The following TAF4B variants were observed in gnomAD, a reference collection of about 807,000 sequenced individuals.
TAF4B encodes TATA-box binding protein associated factor 4b, also known as transcription initiation factor TFIID subunit 4B.
Under a neutral mutation model 86.4 loss-of-function variants are expected in TAF4B, and 38 were observed. That is an observed-to-expected ratio of 0.44 (90% CI 0.34 to 0.58). The LOEUF is 0.58. Among genes scored for constraint, TAF4B ranks in the 20% least tolerant of loss-of-function variants. The pLI, the probability that TAF4B is intolerant of heterozygous loss-of-function variation, is 0.02. For missense variants in TAF4B, 988 were observed against 1,027.6 expected (o/e 0.96, Z 0.53); for synonymous variants, 388 against 391.2 (o/e 0.99, Z 0.10).
At chr18:26,354,013 G>A (rs995331543) in intron 13 of TAF4B, among the ~76,000 whole-genome samples, 2 of 152,110 alleles carry the variant, frequency 1.3e-5, no homozygotes, top group African/African-American at 4.8e-5. Flanking sequence ...AAGGTGTGAG[G>A]TTTGGATCCA....
At chr18:26,386,802 G>A (rs1264173793) in intron 14 of TAF4B, among the ~76,000 whole-genome samples, 1 of 152,010 alleles carries the variant, frequency 6.6e-6, no homozygotes, top group Admixed American at 6.6e-5. Context: ...CACTCGGATT[G>A]TTTCTAGCTT....
chr18:26,304,965 G>A (rs1474022035), intron 9 of TAF4B: 1 of 775,514 alleles, frequency 1.3e-6, no homozygotes, highest in Non-Finnish European at 1.6e-6. Flanking sequence ...ATGCTGGACA[G>A]TAGTAATTCT....
At chr18:26,246,280 G>A (rs540571050) in intron 1 of TAF4B, among the ~76,000 whole-genome samples, 101 of 152,264 alleles carry the variant, frequency 6.6e-4, no homozygotes, top group Non-Finnish European at 1.0e-3. Flanking sequence ...CTATGTCTAA[G>A]AAGGCTCTTG....
chr18:26,339,197 TTATATTTTC>T (rs1358396212), intron 13 of TAF4B, among the ~76,000 whole-genome samples: 3 of 152,362 alleles, frequency 2.0e-5, no homozygotes, highest in African/African-American at 7.2e-5. Context: ...TATTATAACT[TTATATTTTC>T]TATACTAGCC....
chr18:26,308,396 T>C (rs1290776539), intron 9 of TAF4B, among the ~76,000 whole-genome samples: 2 of 152,192 alleles, frequency 1.3e-5, no homozygotes, highest in Admixed American at 6.5e-5. Flanking sequence ...CTGTGTACTT[T>C]AGTGCAGAAT....
rs143409915 is a variant in TAF4B at position 26,319,923 on chromosome 18, T to G, written c.2003-1147T>G. On this transcript the variant is annotated intron_variant, in intron 10 of 14. Transcript: ENST00000269142. The stretch of plus-strand genomic sequence containing the variant: ...GGGTTTTATTAAAGTAGAGTTGACT[T>G]TGTAGAATTTTTTTCCCTGCCTGAA... Among the ~76,000 whole-genome samples, 423 of 152,270 alleles carry G rather than the reference T, an allele frequency of 2.8e-3. 5 individuals carry two copies. The highest frequency in any genetic ancestry group is 0.019 in the East Asian group (99 of 5,186).
chr18:26,374,298 T>G (rs569356916), intron 14 of TAF4B, among the ~76,000 whole-genome samples: 1 of 152,206 alleles, frequency 6.6e-6, no homozygotes, highest in Non-Finnish European at 1.5e-5. Context: ...TTAAGATAAT[T>G]TCTATGAGCT....
At chr18:26,237,483 C>T (rs746194944) in intron 1 of TAF4B, among the ~76,000 whole-genome samples, 9 of 152,148 alleles carry the variant, frequency 5.9e-5, no homozygotes, top group Non-Finnish European at 1.2e-4. Flanking sequence ...AACCGATAGC[C>T]TGGGGTTTTT....
intron 14 of TAF4B, among the ~76,000 whole-genome samples, chr18:26,370,939 G>A (rs1341745228): frequency 6.6e-6 from 1 of 152,126 alleles, no homozygotes; most frequent in Non-Finnish European, 1.5e-5. Context: ...AAAGGCTTGG[G>A]GAAATTGGGA....
intron 11 of TAF4B, among the ~76,000 whole-genome samples, chr18:26,322,780 A>G (rs1408018621): frequency 1.3e-5 from 2 of 151,776 alleles, no homozygotes; most frequent in African/African-American, 4.8e-5. Context: ...TCTAAGCTTC[A>G]GGCTTAGTTT....
chr18:26,342,513 C>A (rs1275708846), intron 13 of TAF4B, among the ~76,000 whole-genome samples: 1 of 152,152 alleles, frequency 6.6e-6, no homozygotes. Flanking sequence ...AAATTATGTG[C>A]TTAGCATCAA....
intron 3 of TAF4B, 151 bp downstream of exon 3, chr18:26,267,774 T>C (rs769659845): frequency 3.5e-5 from 21 of 599,502 alleles, no homozygotes; most frequent in Non-Finnish European, 4.8e-5. Context: ...TGGGAACTGT[T>C]GGAGGTATGG....
At chr18:26,230,688 T>C (rs74873680) in intron 1 of TAF4B, among the ~76,000 whole-genome samples, 386 of 152,328 alleles carry the variant, frequency 2.5e-3, no homozygotes, top group African/African-American at 9.0e-3. Context: ...GCTTTCACTC[T>C]CATAGTACTC....
chr18:26,227,438 T>A (rs1247067181), intron 1 of TAF4B, among the ~76,000 whole-genome samples, 162 bp downstream of exon 1: 2 of 152,230 alleles, frequency 1.3e-5, no homozygotes, highest in Non-Finnish European at 2.9e-5. Context: ...TACATAGTTT[T>A]TCTTTTCATA....
Position 26,292,233 on chromosome 18 carries a change from C to G in TAF4B, c.1591-13C>G. ...AAGTTGAACAACTATATTGATAGTTCTCATTGTTTCAGGTAGTTCAGCAGC... is the reference window on the plus strand; with the variant it reads ...AAGTTGAACAACTATATTGATAGTTGTCATTGTTTCAGGTAGTTCAGCAGC... On this transcript the variant is annotated splice_polypyrimidine_tract_variant and intron_variant, in intron 7 of 14. Transcript: ENST00000269142. 6.2e-7 allele frequency: 1 copy of G among 1,611,612 alleles called. No individual in the cohort carries two copies. Among genetic ancestry groups the G allele is most frequent in the Non-Finnish European group, 8.5e-7 (1 of 1,179,152 alleles).
At chr18:26,341,329 T>A (rs186260964) in intron 13 of TAF4B, among the ~76,000 whole-genome samples, 2 of 152,142 alleles carry the variant, frequency 1.3e-5, no homozygotes, top group African/African-American at 4.8e-5. Flanking sequence ...TTAAGATAGA[T>A]GTCATTGAGC....
chr18:26,328,323 C>G (rs767301656), intron 12 of TAF4B, among the ~76,000 whole-genome samples: 7 of 151,912 alleles, frequency 4.6e-5, no homozygotes, highest in Non-Finnish European at 1.0e-4. Flanking sequence ...GTGGTGCACG[C>G]CTGTAGTCTC....
intron 11 of TAF4B, among the ~76,000 whole-genome samples, chr18:26,325,676 C>T (rs1003572417): frequency 4.6e-5 from 7 of 152,050 alleles, no homozygotes; most frequent in African/African-American, 1.7e-4. Flanking sequence ...ATCATTAAAC[C>T]ATTTCCAGAG....
chr18:26,259,150 C>A (rs1234901630), intron 1 of TAF4B, among the ~76,000 whole-genome samples: 3 of 150,618 alleles, frequency 2.0e-5, no homozygotes, highest in Non-Finnish European at 4.4e-5. Flanking sequence ...ATTTGGGAAG[C>A]TTTCAGCTGT....
Sources: allele counts gnomAD v4.1 joint callset (sites outside exome capture counted in the v4.1 genomes callset), GRCh38; gene constraint gnomAD v4.1.1; transcripts MANE v1.5; gene names NCBI Gene and HGNC (gene_info 2026-07-23, HGNC 2026-07-21).